Variants in CDH18 observed in about 807,000 individuals in gnomAD.
CDH18 encodes the protein cadherin 18, also known as cadherin-18.
A neutral mutation model predicts 67.9 loss-of-function variants in CDH18; 31 were observed. The ratio of observed to expected loss-of-function variants is 0.46; its 90% CI spans 0.34 to 0.62. CDH18 has a LOEUF of 0.62. Among genes scored for constraint, CDH18 ranks in the 20% least tolerant of loss-of-function variants. The pLI is 0.01. For synonymous variants in CDH18, 362 were observed against 347.2 expected (o/e 1.04, Z -0.48); for missense variants, 890 against 975.5 (o/e 0.91, Z 1.17).
At chr5:19,935,858 T>C (rs1452758539) in intron 2 of CDH18, among the ~76,000 whole-genome samples, 2 of 149,390 alleles carry the variant, frequency 1.3e-5, no homozygotes, top group African/African-American at 4.9e-5. Flanking sequence ...GTCTTCTCAA[T>C]GCTCATTTCC....
chr5:19,888,718 C>G (rs1275795126), intron 2 of CDH18, among the ~76,000 whole-genome samples: 1 of 152,032 alleles, frequency 6.6e-6, no homozygotes, highest in Non-Finnish European at 1.5e-5. Flanking sequence ...TTAAAAATTT[C>G]TTCTTCATTA....
intron 12 of CDH18, 147 bp from the exon 13 acceptor site, chr5:19,473,863 T>C: frequency 1.4e-6 from 1 of 689,808 alleles, no homozygotes; most frequent in Non-Finnish European, 2.5e-6. Flanking sequence ...CACTCTGTGC[T>C]CTCTGAATAA....
At chr5:20,027,617 A>G (rs931672147) in intron 2 of CDH18, among the ~76,000 whole-genome samples, 1 of 152,300 alleles carries the variant, frequency 6.6e-6, no homozygotes, top group Middle Eastern at 3.4e-3. Context: ...AGCAGCTCTG[A>G]GACATAATCA....
intron 8 of CDH18, among the ~76,000 whole-genome samples, chr5:19,557,553 G>C (rs1414084830): frequency 6.6e-6 from 1 of 151,896 alleles, no homozygotes; most frequent in Non-Finnish European, 1.5e-5. Context: ...TTTATGTAAT[G>C]ATAAAAGAAC....
intron 5 of CDH18, among the ~76,000 whole-genome samples, chr5:19,641,131 T>A (rs1753925886): frequency 8.1e-6 from 1 of 123,686 alleles, no homozygotes; most frequent in Non-Finnish European, 1.8e-5. Context: ...ACTTACCGAA[T>A]CTAAATTTTT....
intron 11 of CDH18, among the ~76,000 whole-genome samples, chr5:19,492,656 A>G (rs1298460071): frequency 1.3e-5 from 2 of 152,126 alleles, no homozygotes; most frequent in Non-Finnish European, 2.9e-5. Context: ...TTAAATTTTA[A>G]ATAAAGTTAT....
intron 5 of CDH18, among the ~76,000 whole-genome samples, chr5:19,683,327 G>A (rs913866948): frequency 1.3e-5 from 2 of 152,024 alleles, no homozygotes; most frequent in Non-Finnish European, 2.9e-5. Flanking sequence ...TCTAATATAT[G>A]CTGTGTTTCT....
At chr5:19,629,689 T>C (rs1232779684) in intron 5 of CDH18, among the ~76,000 whole-genome samples, 1 of 152,202 alleles carries the variant, frequency 6.6e-6, no homozygotes, top group Non-Finnish European at 1.5e-5. Context: ...AATATGTCTA[T>C]TGGTTGAACA....
At chr5:20,236,184 C>T (rs1580546030) in intron 2 of CDH18, among the ~76,000 whole-genome samples, 1 of 151,382 alleles carries the variant, frequency 6.6e-6, no homozygotes, top group African/African-American at 2.4e-5. Flanking sequence ...ACACAATGTA[C>T]CTTTGAAACA....
chr5:19,643,438 C>G (rs1178442027), intron 5 of CDH18, among the ~76,000 whole-genome samples: 2 of 152,074 alleles, frequency 1.3e-5, no homozygotes, highest in South Asian at 2.1e-4. Flanking sequence ...ATCTAAATAT[C>G]TATTGATAGA....
rs533950721 is a variant in CDH18, at chr5:19,961,041, T to A, written c.-257+20019A>T. Among the ~76,000 whole-genome samples the A allele has an allele frequency of 1.2e-3, 178 of 151,568 alleles. 5 individuals carry two copies. The South Asian group carries it at 0.035, about 30-fold the overall frequency. On this transcript the variant is annotated intron_variant, in intron 2 of 12. Coordinates refer to ENST00000382275, the MANE Select transcript of CDH18 (RefSeq NM_004934.5). ...CACAAACGTGAGTAATTCATTGTGC[T>A]ACGATGTTACAATGGCTATGATGTT... is the stretch of plus-strand genomic sequence containing the variant.
At chr5:19,983,087 C>T (rs1799225260) in intron 1 of CDH18, among the ~76,000 whole-genome samples, 1 of 148,914 alleles carries the variant, frequency 6.7e-6, no homozygotes, top group African/African-American at 2.5e-5. Context: ...ATATCTGTAA[C>T]TCATATCAAA....
chr5:19,767,476 C>T (rs935798498), intron 3 of CDH18, among the ~76,000 whole-genome samples: 2 of 151,980 alleles, frequency 1.3e-5, no homozygotes, highest in African/African-American at 4.8e-5. Context: ...ACAATATTTA[C>T]TCCAAATATA....
intron 1 of CDH18, among the ~76,000 whole-genome samples, chr5:20,523,985 T>C (rs543788109): frequency 1.1e-4 from 16 of 152,364 alleles, no homozygotes. Flanking sequence ...TAAGTCAAAG[T>C]AAATTTATGT....
chr5:20,332,342 T>G (rs946603631), intron 1 of CDH18, among the ~76,000 whole-genome samples: 1 of 152,222 alleles, frequency 6.6e-6, no homozygotes, highest in East Asian at 1.9e-4. Flanking sequence ...TTTTCACAAT[T>G]CTTAAGTGAG....
chr5:19,590,484 GGATAGATA>G (rs145201697), intron 7 of CDH18, among the ~76,000 whole-genome samples: 13 of 149,818 alleles, frequency 8.7e-5, no homozygotes, highest in African/African-American at 2.0e-4. Context: ...CTAGACAGAT[GGATAGATA>G]GATAGATAGA....
chr5:19,488,400 T>C (rs1740747761), intron 11 of CDH18, among the ~76,000 whole-genome samples: 1 of 152,184 alleles, frequency 6.6e-6, no homozygotes, highest in Non-Finnish European at 1.5e-5. Context: ...TAAAGTAATA[T>C]TTCCAAATCT....
At chr5:19,755,963 G>A (rs1310692756) in intron 3 of CDH18, among the ~76,000 whole-genome samples, 1 of 151,962 alleles carries the variant, frequency 6.6e-6, no homozygotes, top group African/African-American at 2.4e-5. Context: ...ACACATCCAG[G>A]GTCAATACTT....
At chr5:20,417,324 T>C (rs1056140718) in intron 1 of CDH18, among the ~76,000 whole-genome samples, 1 of 152,190 alleles carries the variant, frequency 6.6e-6, no homozygotes, top group African/African-American at 2.4e-5. Context: ...TAGATATTTA[T>C]TTCCCTGGAA....
Sources: allele counts gnomAD v4.1 joint callset (sites outside exome capture counted in the v4.1 genomes callset), GRCh38; gene constraint gnomAD v4.1.1; transcripts MANE v1.5; gene names NCBI Gene and HGNC (gene_info 2026-07-23, HGNC 2026-07-21).